SNAP91: variants seen among roughly 807,000 people sequenced by gnomAD.
The protein encoded by SNAP91 is synaptosome associated protein 91.
Under a neutral mutation model 100.3 loss-of-function variants are expected in SNAP91, and 27 were observed. That is an observed-to-expected ratio of 0.27 (90% confidence interval 0.20 to 0.37). The LOEUF (loss-of-function observed/expected upper bound fraction) is 0.37. Ranked by LOEUF, SNAP91 falls within the 10% of genes least tolerant of loss-of-function variation. The pLI, the probability that SNAP91 is intolerant of heterozygous loss-of-function variation, is 1.00. For missense variants in SNAP91, 986 were observed against 1,123.7 expected (o/e 0.88, Z 1.75); for synonymous variants, 404 against 398.6 (o/e 1.01, Z -0.16).
At chr6:83,681,198 A>G (rs1053380721) in intron 2 of SNAP91, among the ~76,000 whole-genome samples, 5 of 152,188 alleles carry the variant, frequency 3.3e-5, no homozygotes, top group African/African-American at 1.2e-4. Context: ...GCAATTTTAT[A>G]TAACTCAACC....
chr6:83,679,280 T>A (rs1015835224), intron 2 of SNAP91, among the ~76,000 whole-genome samples: 5 of 152,146 alleles, frequency 3.3e-5, no homozygotes, highest in African/African-American at 4.8e-5. Context: ...CCACCATAGA[T>A]ACTCAGGGAC....
intron 2 of SNAP91, among the ~76,000 whole-genome samples, chr6:83,694,201 C>T (rs1162639161): frequency 6.6e-6 from 1 of 152,206 alleles, no homozygotes; most frequent in East Asian, 1.9e-4. Flanking sequence ...GCTTCATCTC[C>T]AGCATTTCCT....
At chr6:83,663,220 AG>A (rs2098597974) in intron 3 of SNAP91, among the ~76,000 whole-genome samples, 1 of 152,080 alleles carries the variant, frequency 6.6e-6, no homozygotes, top group Admixed American at 6.6e-5. Flanking sequence ...ATTGCAATTA[AG>A]CCAACTAATA....
chr6:83,678,286 C>T (rs186540190), intron 2 of SNAP91, among the ~76,000 whole-genome samples: 4 of 152,058 alleles, frequency 2.6e-5, no homozygotes, highest in Non-Finnish European at 4.4e-5. Flanking sequence ...CACCGATTGA[C>T]CAGCCCTGAA....
At chr6:83,699,907 A>G (rs1168585797) in intron 2 of SNAP91, among the ~76,000 whole-genome samples, 2 of 152,210 alleles carry the variant, frequency 1.3e-5, no homozygotes, top group Non-Finnish European at 2.9e-5. Context: ...AATCTTATAT[A>G]CAGATACACT....
At chr6:83,654,598 G>A (rs1025101135) in intron 7 of SNAP91, among the ~76,000 whole-genome samples, 3 of 151,952 alleles carry the variant, frequency 2.0e-5, no homozygotes, top group Admixed American at 6.6e-5. Flanking sequence ...GACTATCTGT[G>A]GTTATATCCT....
intron 12 of SNAP91, among the ~76,000 whole-genome samples, 174 bp from the exon 13 acceptor site, chr6:83,607,982 A>C (rs1249869950): frequency 6.6e-6 from 1 of 152,220 alleles, no homozygotes; most frequent in African/African-American, 2.4e-5. Flanking sequence ...ATAAATAATC[A>C]ATATTGGCTA....
At chr6:83,676,047 G>A (rs1487504723) in intron 2 of SNAP91, among the ~76,000 whole-genome samples, 2 of 150,738 alleles carry the variant, frequency 1.3e-5, no homozygotes, top group Non-Finnish European at 2.9e-5. Flanking sequence ...GTAATTCAAG[G>A]TTACAATGAA....
chr6:83,645,196 A>G (rs1455582441), intron 7 of SNAP91, among the ~76,000 whole-genome samples: 1 of 152,148 alleles, frequency 6.6e-6, no homozygotes, highest in East Asian at 1.9e-4. Flanking sequence ...TCTTCTGCAA[A>G]TGGACCTTTA....
chr6:83,634,281 G>A (rs1322048645), intron 8 of SNAP91, among the ~76,000 whole-genome samples: 1 of 152,020 alleles, frequency 6.6e-6, no homozygotes, highest in Non-Finnish European at 1.5e-5. Context: ...TTCTATCCCT[G>A]TATTTTGCTT....
intron 22 of SNAP91, among the ~76,000 whole-genome samples, chr6:83,590,606 A>G (rs1457034034): frequency 6.6e-6 from 1 of 152,144 alleles, no homozygotes; most frequent in Non-Finnish European, 1.5e-5. Context: ...TTTTGACCCA[A>G]TGGTAGGAGT....
At chr6:83,562,961 G>A (rs528066076) in intron 26 of SNAP91, among the ~76,000 whole-genome samples, 1 of 152,134 alleles carries the variant, frequency 6.6e-6, no homozygotes, top group Non-Finnish European at 1.5e-5. Context: ...GTAATTTCAT[G>A]TGTTTTATTG....
chr6:83,668,574 G>A (rs217299), intron 2 of SNAP91, among the ~76,000 whole-genome samples: 62,090 of 151,420 alleles, frequency 0.41, 12,869 homozygotes, highest in South Asian at 0.5. Flanking sequence ...GCAAACTATC[G>A]CAAGAACAAA....
intron 2 of SNAP91, chr6:83,686,931 A>T (rs749640831): frequency 6.6e-6 from 1 of 152,210 alleles, no homozygotes. Context: ...GATGGGCCTG[A>T]AAGTTATGCT....
chr6:83,684,562 T>C (rs1004453581), intron 2 of SNAP91, among the ~76,000 whole-genome samples: 6 of 152,192 alleles, frequency 3.9e-5, no homozygotes, highest in African/African-American at 1.4e-4. Flanking sequence ...TCACACTCTG[T>C]ATACACCTTT....
At chr6:83,604,082 A>T (rs13215351) in intron 14 of SNAP91, among the ~76,000 whole-genome samples, 27,259 of 152,078 alleles carry the variant, frequency 0.18, 3,126 homozygotes, top group South Asian at 0.28. Context: ...AAAATTTTTT[A>T]AAAAAAGATA....
chr6:83,582,049 T>C (rs553715431), intron 23 of SNAP91, among the ~76,000 whole-genome samples, 173 bp downstream of exon 23: 1 of 151,466 alleles, frequency 6.6e-6, no homozygotes, highest in South Asian at 2.1e-4. Flanking sequence ...TACCAATGTG[T>C]ACTATAAATT....
intron 22 of SNAP91, 81 bp from the exon 23 acceptor site, chr6:83,582,437 A>C (rs568934446): frequency 7.2e-7 from 1 of 1,394,340 alleles, no homozygotes; most frequent in African/African-American, 1.5e-5. Flanking sequence ...AAAAAGTTAT[A>C]GAAAACTGAA....
At chr6:83,621,157 T>A (rs1175105179) in intron 9 of SNAP91, among the ~76,000 whole-genome samples, 1 of 152,160 alleles carries the variant, frequency 6.6e-6, no homozygotes, top group Non-Finnish European at 1.5e-5. Flanking sequence ...TGTTCACTTC[T>A]GTGTGTCATA....
Sources: allele counts gnomAD v4.1 joint callset (sites outside exome capture counted in the v4.1 genomes callset), GRCh38; gene constraint gnomAD v4.1.1; transcripts MANE v1.5; gene names NCBI Gene and HGNC (gene_info 2026-07-23, HGNC 2026-07-21).